PARG: variants seen among roughly 807,000 people sequenced by gnomAD.
PARG encodes the protein poly(ADP-ribose) glycohydrolase.
In PARG, 35 loss-of-function variants were observed where a neutral mutation model predicts 113.0. The observed-to-expected ratio is 0.31, with a 90% CI of 0.24 to 0.41. PARG has a LOEUF of 0.41. Among genes scored for constraint, PARG ranks in the 10% least tolerant of loss-of-function variants. The pLI is 1.00. For missense variants in PARG, 797 were observed against 1,169.4 expected (o/e 0.68, Z 4.64); for synonymous variants, 330 against 409.9 (o/e 0.81, Z 2.36).
chr10:49,925,838 CA>C (rs1838129693), intron 4 of PARG, among the ~76,000 whole-genome samples: 8 of 152,354 alleles, frequency 5.3e-5, no homozygotes. Flanking sequence ...GGAAATTGAA[CA>C]CTTGAACAAA....
chr10:49,894,704 T>C (rs1554842308), intron 7 of PARG, among the ~76,000 whole-genome samples: 2 of 152,248 alleles, frequency 1.3e-5, no homozygotes, highest in African/African-American at 4.8e-5. Context: ...GGTCTGTTTC[T>C]GGGTTTACTA....
intron 15 of PARG, among the ~76,000 whole-genome samples, chr10:49,836,060 G>C (rs1316840756): frequency 6.6e-6 from 1 of 152,102 alleles, no homozygotes; most frequent in Non-Finnish European, 1.5e-5. Context: ...GTTGTGTAAA[G>C]TGACATGTGC....
chr10:49,821,078 C>CT (rs1228076710), intron 16 of PARG, among the ~76,000 whole-genome samples: 1 of 152,048 alleles, frequency 6.6e-6, no homozygotes, highest in African/African-American at 2.4e-5. Flanking sequence ...CCCTCCTGCA[C>CT]TCCCACCTCC....
At chr10:49,866,226 G>C (rs533885603) in intron 10 of PARG, among the ~76,000 whole-genome samples, 13 of 152,146 alleles carry the variant, frequency 8.5e-5, no homozygotes, top group Non-Finnish European at 1.5e-4. Context: ...AACTAAAAAG[G>C]CCATGCCATT....
chr10:49,831,089 G>A (rs1554830196), intron 16 of PARG, among the ~76,000 whole-genome samples: 1 of 152,134 alleles, frequency 6.6e-6, no homozygotes, highest in Non-Finnish European at 1.5e-5. Flanking sequence ...TCTAAAAGGA[G>A]GAGGCTGGAG....
At chr10:49,874,556 A>G (rs1188135464) in intron 9 of PARG, among the ~76,000 whole-genome samples, 1 of 151,934 alleles carries the variant, frequency 6.6e-6, no homozygotes, top group Non-Finnish European at 1.5e-5. Flanking sequence ...TTTAAAATTA[A>G]AATATATAAT....
In PARG at chr10:49,884,221, T is replaced by C. The variant is rs559542012; in HGVS notation, c.1830+982A>G. On this transcript the variant is annotated intron_variant, in intron 8 of 17. Transcript: ENST00000616448. ...GAAGCTGTGAGATAATACATGTTTA[T>C]TGTTTTAAGCCATTAATTTTGACAT... 1.7e-3 allele frequency among the ~76,000 whole-genome samples: 254 copies of C among 152,288 alleles called. 5 individuals are homozygous for C. Among genetic ancestry groups the C allele is most frequent in the Admixed American group, 0.013 (198 of 15,302 alleles).
At position 49,832,842 on chromosome 10, in the gene PARG, A is replaced by G; in HGVS notation, c.2608T>C (p.Trp870Arg). Residue 870 changes from tryptophan (W) to arginine (R), a missense_variant, in exon 16 of 18, where the codon TGG becomes CGG. Trp to Arg is a moderately radical substitution (Grantham distance 101). This residue lies in a region of PARG where 194 missense variants were observed against 247.1 expected (regional missense o/e 0.79). Coordinates refer to ENST00000616448, the MANE Select transcript of PARG (RefSeq NM_003631.5). Reference protein sequence around the residue: ...ENLSAVATGNWGCGAFGGDAR... With the variant: ...ENLSAVATGNRGCGAFGGDAR... ...TCACCCCCAAAGGCACCACAGCCCCAGTTTCCTGTGGCCACTGCAGAAAGA... is the reference window on the plus strand; with the variant it reads ...TCACCCCCAAAGGCACCACAGCCCCGGTTTCCTGTGGCCACTGCAGAAAGA... The G allele has an allele frequency of 6.4e-7, 1 of 1,550,564 alleles. No homozygotes were observed. Among genetic ancestry groups the G allele is most frequent in the Non-Finnish European group, 8.7e-7 (1 of 1,146,064 alleles).
At chr10:49,842,175 G>A (rs774974304) in intron 14 of PARG, 117 bp from the exon 15 acceptor site, 20 of 684,824 alleles carry the variant, frequency 2.9e-5, no homozygotes, top group Non-Finnish European at 4.9e-5. Context: ...AAACAAACCA[G>A]TGTCTGCAGG....
At chr10:49,887,149 A>C (rs1554840586) in intron 7 of PARG, among the ~76,000 whole-genome samples, 1 of 152,048 alleles carries the variant, frequency 6.6e-6, no homozygotes, top group Non-Finnish European at 1.5e-5. Flanking sequence ...TCCTGGGCTC[A>C]AAAAATCTCT....
intron 7 of PARG, among the ~76,000 whole-genome samples, chr10:49,894,128 C>T (rs1847953008): frequency 1.3e-5 from 2 of 151,962 alleles, no homozygotes; most frequent in South Asian, 4.2e-4. Flanking sequence ...CCACACCTGG[C>T]CTCCAAGAGA....
chr10:49,901,454 C>T (rs1221385607), intron 7 of PARG, among the ~76,000 whole-genome samples: 1 of 149,324 alleles, frequency 6.7e-6, no homozygotes, highest in Non-Finnish European at 1.5e-5. Flanking sequence ...GCTTAGCACA[C>T]TCACAGCGCT....
intron 16 of PARG, among the ~76,000 whole-genome samples, chr10:49,823,170 G>A (rs781910383): frequency 5.3e-5 from 8 of 152,078 alleles, no homozygotes; most frequent in Non-Finnish European, 8.8e-5. Flanking sequence ...ATTTAGGAAA[G>A]AGGGCATAGT....
rs1198052257 is a variant in PARG at position 49,819,356 on chromosome 10, T to G, written c.2915A>C (p.Gln972Pro). The G allele has an allele frequency of 6.4e-7, 1 of 1,551,454 alleles. No homozygotes were observed. The change falls in exon 18 of 18, where the codon CAA becomes CCA. Residue 972 changes from glutamine (Q) to proline (P), a missense_variant. By Grantham distance (76) the Gln-to-Pro change is moderately conservative. Coordinates refer to ENST00000616448, the MANE Select transcript of PARG (RefSeq NM_003631.5). ...CTCGGCTCCTCAGGTCCCTGTCCTT[T>G]GCCCTGAATGGTCAGCGGTCTCTGC... ...SCAETADHSGQRTGT is the reference protein window; with the variant it reads ...SCAETADHSGPRTGT
chr10:49,859,233 G>A (rs1225529011), intron 12 of PARG, among the ~76,000 whole-genome samples: 44 of 144,830 alleles, frequency 3.0e-4, no homozygotes, highest in Non-Finnish European at 5.4e-4. Context: ...AGAGTAGGTG[G>A]AGGCTTACAG....
At chr10:49,925,747 G>A (rs1838120770) in intron 4 of PARG, among the ~76,000 whole-genome samples, 1 of 152,228 alleles carries the variant, frequency 6.6e-6, no homozygotes, top group Non-Finnish European at 1.5e-5. Flanking sequence ...CCCTCTTAGG[G>A]GCCTGCCAGG....
chr10:49,931,248 T>C (rs1275025795), intron 4 of PARG, among the ~76,000 whole-genome samples: 1 of 152,120 alleles, frequency 6.6e-6, no homozygotes, highest in Non-Finnish European at 1.5e-5. Context: ...AATGTTATAA[T>C]ATAATGTTAA....
intron 4 of PARG, among the ~76,000 whole-genome samples, chr10:49,925,042 T>C (rs1838084276): frequency 6.6e-6 from 1 of 152,308 alleles, no homozygotes; most frequent in Admixed American, 6.5e-5. Flanking sequence ...GAACTGTGCA[T>C]GGGAGGGATC....
chr10:49,836,426 T>C (rs1844937514), intron 15 of PARG, among the ~76,000 whole-genome samples: 1 of 148,742 alleles, frequency 6.7e-6, no homozygotes, highest in Non-Finnish European at 1.5e-5. Flanking sequence ...GCCTCTCGAG[T>C]AGCTGAGATT....
Sources: allele counts gnomAD v4.1 joint callset (sites outside exome capture counted in the v4.1 genomes callset), GRCh38; gene constraint gnomAD v4.1.1; regional missense constraint gnomAD v4.1.1; transcripts MANE v1.5; gene names NCBI Gene and HGNC (gene_info 2026-07-23, HGNC 2026-07-21).